The following CCDC181 variants were observed in gnomAD, a reference collection of about 807,000 sequenced individuals.
The protein encoded by CCDC181 is coiled-coil domain-containing protein 181.
Under a neutral mutation model 58.7 loss-of-function variants are expected in CCDC181, and 35 were observed. The observed-to-expected ratio is 0.60, with a 90% CI of 0.46 to 0.79. The LOEUF (loss-of-function observed/expected upper bound fraction) is 0.79, where lower values mean the gene tolerates loss of function less well. CCDC181 is among the 30% of genes least tolerant of loss of function. The pLI is 0.00. For synonymous variants in CCDC181, 183 were observed against 197.5 expected (o/e 0.93, Z 0.62); for missense variants, 517 against 583.9 (o/e 0.89, Z 1.18).
chr1:169,439,690 C>T (rs1257255988), intron 2 of CCDC181, among the ~76,000 whole-genome samples: 1 of 152,054 alleles, frequency 6.6e-6, no homozygotes, highest in Non-Finnish European at 1.5e-5. Context: ...TACACCCTGC[C>T]CTCTTGGTAT....
chr1:169,427,826 T>C (rs970500588), upstream of CCDC181, among the ~76,000 whole-genome samples: 3 of 152,228 alleles, frequency 2.0e-5, no homozygotes, highest in Non-Finnish European at 4.4e-5. Flanking sequence ...CTTCTTTTTT[T>C]CCTAATCAAA....
intron 4 of CCDC181, among the ~76,000 whole-genome samples, chr1:169,400,974 T>G (rs562929414): frequency 6.6e-6 from 1 of 152,326 alleles, no homozygotes; most frequent in Admixed American, 6.5e-5. Context: ...TCCAACGGTC[T>G]TAGCAAACGG....
At chr1:169,428,504 C>CT (rs1014538833), upstream of CCDC181, among the ~76,000 whole-genome samples, 13 of 151,272 alleles carry the variant, frequency 8.6e-5, no homozygotes, top group Middle Eastern at 3.4e-3. Flanking sequence ...GTGATAGCAG[C>CT]TTTTTTTTTA....
At chr1:169,427,859 T>G (rs1411725097), upstream of CCDC181, among the ~76,000 whole-genome samples, 3 of 152,138 alleles carry the variant, frequency 2.0e-5, no homozygotes, top group African/African-American at 4.8e-5. Flanking sequence ...CCCAAGAGAG[T>G]TGCCAAAGAA....
At chr1:169,440,931 TAAA>T (rs72040890) in intron 2 of CCDC181, among the ~76,000 whole-genome samples, 1 of 76,896 alleles carries the variant, frequency 1.3e-5, no homozygotes, top group African/African-American at 5.3e-5. Flanking sequence ...CAAGACTGTC[TAAA>T]AAAAAAAAAA....
chr1:169,453,857 T>A (rs1329602302), intron 2 of CCDC181, among the ~76,000 whole-genome samples: 1 of 151,972 alleles, frequency 6.6e-6, no homozygotes, highest in Non-Finnish European at 1.5e-5. Flanking sequence ...TTCAAGTCTA[T>A]TAAGACACTT....
At chr1:169,425,365 A>C (rs1168660290) in intron 1 of CCDC181, among the ~76,000 whole-genome samples, 3 of 152,122 alleles carry the variant, frequency 2.0e-5, no homozygotes, top group Non-Finnish European at 2.9e-5. Context: ...TATTATTCAA[A>C]AATAACTGTT....
intron 2 of CCDC181, among the ~76,000 whole-genome samples, chr1:169,447,944 CTT>C (rs1332313314): frequency 6.6e-6 from 1 of 152,006 alleles, no homozygotes; most frequent in African/African-American, 2.4e-5. Flanking sequence ...TCTGCCTTGT[CTT>C]GTTTTTGAAC....
upstream of CCDC181, among the ~76,000 whole-genome samples, chr1:169,430,037 C>T (rs1656868607): frequency 6.6e-6 from 1 of 152,124 alleles, no homozygotes; most frequent in African/African-American, 2.4e-5. Context: ...TGCCAATTAT[C>T]CCAGCACCAT....
intron 2 of CCDC181, among the ~76,000 whole-genome samples, chr1:169,450,555 A>G (rs1657508576): frequency 6.6e-6 from 1 of 152,340 alleles, no homozygotes; most frequent in East Asian, 1.9e-4. Context: ...TCTACTCAGT[A>G]GCTGATAGAC....
intron 4 of CCDC181, among the ~76,000 whole-genome samples, chr1:169,411,743 T>C (rs975382616): frequency 6.6e-6 from 1 of 152,200 alleles, no homozygotes; most frequent in Non-Finnish European, 1.5e-5. Context: ...TCGATAAACA[T>C]AATCCATCAT....
In CCDC181 at chr1:169,457,722, C is replaced by T. The variant is rs369171622; in HGVS notation, c.-24+2075G>A. ...TCTGCTGTTTAACCTAGCCATTGAG[C>T]TTTTTAAAGTGTTTTAGTGCTAAAT... On this transcript the variant is annotated intron_variant, in intron 2 of 6. Transcript: ENST00000545005. Among the ~76,000 whole-genome samples, 82 of 152,120 alleles carry T rather than the reference C, an allele frequency of 5.4e-4. No individual in the cohort carries two copies. The South Asian group carries it at 0.017, about 31-fold the overall frequency.
At chr1:169,454,248 G>A (rs1657626428) in intron 2 of CCDC181, 1 of 151,960 alleles carries the variant, frequency 6.6e-6, no homozygotes, top group East Asian at 1.9e-4. Context: ...AGGCAACATG[G>A]GTGGAATGGC....
intron 2 of CCDC181, among the ~76,000 whole-genome samples, chr1:169,439,951 C>A (rs547842284): frequency 6.6e-6 from 1 of 152,224 alleles, no homozygotes; most frequent in African/African-American, 2.4e-5. Flanking sequence ...TGCTGCTCCA[C>A]TCTGCTGCTC....
At chr1:169,405,288 A>G (rs1043147787) in intron 4 of CCDC181, among the ~76,000 whole-genome samples, 1 of 152,220 alleles carries the variant, frequency 6.6e-6, no homozygotes, top group African/African-American at 2.4e-5. Context: ...GACTTTCTTC[A>G]CAGAATGGAA....
chr1:169,424,502 C>T (rs556213840), intron 2 of CCDC181, among the ~76,000 whole-genome samples: 10 of 151,666 alleles, frequency 6.6e-5, no homozygotes, highest in Non-Finnish European at 1.2e-4. Context: ...TTTTTACTTT[C>T]GATGCAATAA....
At chr1:169,448,562 C>T (rs926791480) in intron 2 of CCDC181, among the ~76,000 whole-genome samples, 1 of 151,902 alleles carries the variant, frequency 6.6e-6, no homozygotes, top group Non-Finnish European at 1.5e-5. Flanking sequence ...AATTCTTGTC[C>T]TTAATCTCCC....
chr1:169,395,997 T>G (rs1250318740), intron 5 of CCDC181: 1 of 152,112 alleles, frequency 6.6e-6, no homozygotes, highest in Non-Finnish European at 1.5e-5. Context: ...GCAAATAAAC[T>G]GTAAGTCATT....
chr1:169,418,974 T>C (rs1656336518), intron 4 of CCDC181, 39 bp downstream of exon 4: 2 of 1,510,304 alleles, frequency 1.3e-6, no homozygotes, highest in Non-Finnish European at 1.8e-6. Context: ...TCAGCTTTCA[T>C]ATCTGTATGA....
Sources: allele counts gnomAD v4.1 joint callset (sites outside exome capture counted in the v4.1 genomes callset), GRCh38; gene constraint gnomAD v4.1.1; transcripts MANE v1.5; gene names NCBI Gene and HGNC (gene_info 2026-07-23, HGNC 2026-07-21).